Variants in RALGAPA2 observed in about 807,000 individuals in gnomAD.
RALGAPA2 encodes Ral GTPase activating protein catalytic subunit alpha 2.
RALGAPA2 carries 139 observed loss-of-function variants against 230.4 expected under a neutral mutation model. That is an observed-to-expected ratio of 0.60 (90% CI 0.53 to 0.69). The LOEUF (loss-of-function observed/expected upper bound fraction) is 0.69, where lower values mean the gene tolerates loss of function less well. Among genes scored for constraint, RALGAPA2 ranks in the 30% least tolerant of loss-of-function variants. The probability of loss-of-function intolerance (pLI) is 0.00; values close to 1 mark genes in which losing one functional copy is unlikely to be tolerated. For synonymous variants in RALGAPA2, 847 were observed against 837.8 expected (o/e 1.01, Z -0.19); for missense variants, 2,163 against 2,276.0 (o/e 0.95, Z 1.01).
At chr20:20,519,808 G>A (rs983433392) in intron 31 of RALGAPA2, among the ~76,000 whole-genome samples, 4 of 152,080 alleles carry the variant, frequency 2.6e-5, no homozygotes, top group Non-Finnish European at 5.9e-5. Context: ...CTTGGGCCTA[G>A]GTTTTTAACT....
intron 1 of RALGAPA2, among the ~76,000 whole-genome samples, chr20:20,681,018 G>A (rs555442458): frequency 5.9e-5 from 9 of 152,304 alleles, no homozygotes; most frequent in East Asian, 3.9e-4. Flanking sequence ...TCAGGAGACC[G>A]TGGAGCCAAT....
intron 31 of RALGAPA2, 69 bp downstream of exon 31, chr20:20,520,848 C>CA: frequency 7.8e-7 from 1 of 1,285,396 alleles, no homozygotes; most frequent in Non-Finnish European, 1.0e-6. Flanking sequence ...AAAAATAGAG[C>CA]AAGCATGGCT....
At chr20:20,539,979 T>C (rs1480241496) in intron 24 of RALGAPA2, among the ~76,000 whole-genome samples, 3 of 152,240 alleles carry the variant, frequency 2.0e-5, no homozygotes, top group Non-Finnish European at 2.9e-5. Flanking sequence ...ACTGGAGATA[T>C]GTACCACATT....
At chr20:20,607,565 C>T (rs1288063155) in intron 14 of RALGAPA2, among the ~76,000 whole-genome samples, 2 of 152,046 alleles carry the variant, frequency 1.3e-5, no homozygotes, top group Non-Finnish European at 2.9e-5. Context: ...GAGGCCATTG[C>T]CATAACGTAC....
At chr20:20,521,217 T>C (rs2063031084) in intron 30 of RALGAPA2, 117 bp from the exon 31 acceptor site, 1 of 767,464 alleles carries the variant, frequency 1.3e-6, no homozygotes, top group Non-Finnish European at 2.1e-6. Context: ...TAGCTGGAAA[T>C]GGAATGACCA....
At position 20,389,799 on chromosome 20, in the gene RALGAPA2, C is replaced by CT. The variant is rs1408434423; in HGVS notation, c.*3489dup. On this transcript the variant is annotated 3_prime_UTR_variant, in exon 40 of 40. Transcript: ENST00000202677. The stretch of plus-strand genomic sequence containing the variant: ...CACGTCTGCAAGGTGTTCCCACCAC[C>CT]TAGGAAGGAACCTAGATGTGGAGCA... The CT allele has an allele frequency of 6.6e-6, 1 of 151,326 alleles. No individual in the cohort carries two copies. The highest frequency in any genetic ancestry group is 1.5e-5 in the Non-Finnish European group (1 of 67,868). 9.4% of individuals were successfully genotyped at this position (151,326 alleles called of 1,614,324 possible). A position where few individuals can be genotyped will look rare whatever the true frequency, so the allele number is the denominator to read the frequency against.
chr20:20,611,357 T>C lies in RALGAPA2; in HGVS notation c.1758A>G (p.Ile586Met). 6.2e-7 allele frequency: 1 copy of C among 1,613,568 alleles called. No individual in the cohort carries two copies. Among genetic ancestry groups the C allele is most frequent in the African/African-American group, 1.3e-5 (1 of 75,052 alleles). The change falls in exon 14 of 40, where the codon ATA becomes ATG. Residue 586 changes from isoleucine (I) to methionine (M), a missense_variant. Ile to Met is a conservative substitution (Grantham distance 10). Transcript: ENST00000202677. ...AVMQKPKDKQ[I>M]KDLFAQSLAG... ...CCAAGCTCTGGGCAAACAAGTCCTT[T>C]ATTTGTTTATCCTTTGGCTTCTGCA... is the stretch of plus-strand genomic sequence containing the variant.
At chr20:20,428,212 T>C (rs915111748) in intron 37 of RALGAPA2, among the ~76,000 whole-genome samples, 1 of 152,176 alleles carries the variant, frequency 6.6e-6, no homozygotes, top group South Asian at 2.1e-4. Context: ...TCATAAAATA[T>C]ACAAATAACA....
At chr20:20,441,354 T>G (rs954539446) in intron 37 of RALGAPA2, among the ~76,000 whole-genome samples, 5 of 152,222 alleles carry the variant, frequency 3.3e-5, no homozygotes, top group African/African-American at 1.2e-4. Context: ...CTGCTGCCAA[T>G]GTTTAGGTGG....
intron 35 of RALGAPA2, among the ~76,000 whole-genome samples, chr20:20,497,248 T>C (rs1000257190): frequency 6.6e-6 from 1 of 152,212 alleles, no homozygotes; most frequent in Non-Finnish European, 1.5e-5. Context: ...GCAAAGACAT[T>C]ACAATACACT....
chr20:20,524,975 T>C (rs1029903214), intron 28 of RALGAPA2, 77 bp from the exon 29 acceptor site: 232 of 1,356,244 alleles, frequency 1.7e-4, no homozygotes, highest in Non-Finnish European at 2.2e-4. Flanking sequence ...AGTCCCACGA[T>C]GGCCTTGCAA....
At chr20:20,604,942 A>G (rs1352618188) in intron 15 of RALGAPA2, among the ~76,000 whole-genome samples, 2 of 152,200 alleles carry the variant, frequency 1.3e-5, no homozygotes, top group Non-Finnish European at 1.5e-5. Context: ...AGTTATCACT[A>G]CTATTACTAC....
intron 37 of RALGAPA2, among the ~76,000 whole-genome samples, chr20:20,456,700 A>G (rs781781670): frequency 6.9e-4 from 105 of 152,362 alleles, no homozygotes; most frequent in Non-Finnish European, 1.4e-3. Context: ...TGTTCCAGCT[A>G]TGCCAATGCA....
At chr20:20,422,723 G>T (rs956918756) in intron 37 of RALGAPA2, among the ~76,000 whole-genome samples, 5 of 152,226 alleles carry the variant, frequency 3.3e-5, no homozygotes, top group Non-Finnish European at 7.3e-5. Flanking sequence ...GCAGATAGTG[G>T]CTGAATCATT....
chr20:20,600,229 G>A (rs1603015374), intron 16 of RALGAPA2, among the ~76,000 whole-genome samples: 1 of 152,320 alleles, frequency 6.6e-6, no homozygotes, highest in East Asian at 1.9e-4. Flanking sequence ...CTGGGAGGCA[G>A]AGGTTGCAAT....
chr20:20,415,209 T>C (rs1167453412), intron 37 of RALGAPA2, among the ~76,000 whole-genome samples: 1 of 152,218 alleles, frequency 6.6e-6, no homozygotes, highest in Non-Finnish European at 1.5e-5. Flanking sequence ...GCATTTATAA[T>C]CTAGACATCA....
chr20:20,517,993 G>A (rs901457806), intron 31 of RALGAPA2, among the ~76,000 whole-genome samples: 45 of 152,170 alleles, frequency 3.0e-4, no homozygotes, highest in Admixed American at 2.4e-3. Flanking sequence ...ACCAGATAAA[G>A]CATTCAGAAG....
At chr20:20,466,007 A>G (rs1056399141) in intron 37 of RALGAPA2, among the ~76,000 whole-genome samples, 1 of 152,218 alleles carries the variant, frequency 6.6e-6, no homozygotes, top group Non-Finnish European at 1.5e-5. Flanking sequence ...TCACCAAGGA[A>G]CAGGCACTGT....
intron 33 of RALGAPA2, among the ~76,000 whole-genome samples, chr20:20,508,484 C>T (rs957652631): frequency 1.6e-4 from 25 of 152,208 alleles, no homozygotes; most frequent in African/African-American, 5.5e-4. Flanking sequence ...TCCACCTCCC[C>T]ATGTAGTGGC....
Sources: allele counts gnomAD v4.1 joint callset (sites outside exome capture counted in the v4.1 genomes callset), GRCh38; gene constraint gnomAD v4.1.1; transcripts MANE v1.5; gene names NCBI Gene and HGNC (gene_info 2026-07-23, HGNC 2026-07-21).